Variants in WASL observed in about 807,000 individuals in gnomAD.
WASL encodes actin nucleation-promoting factor WASL.
WASL carries 20 observed loss-of-function variants against 55.5 expected under a neutral mutation model. The observed-to-expected ratio is 0.36, with a 90% CI of 0.25 to 0.52. The LOEUF (loss-of-function observed/expected upper bound fraction) is 0.52, where lower values mean the gene tolerates loss of function less well. Among genes scored for constraint, WASL ranks in the 20% least tolerant of loss-of-function variants. The pLI is 0.92. For synonymous variants in WASL, 249 were observed against 217.6 expected, an observed-to-expected ratio of 1.14 and a Z score of -1.27; for missense variants, 504 against 622.5, an observed-to-expected ratio of 0.81 and a Z score of 2.03.
At chr7:123,748,154 G>A (rs1033577248) in intron 1 of WASL, among the ~76,000 whole-genome samples, 5 of 152,004 alleles carry the variant, frequency 3.3e-5, no homozygotes, top group Non-Finnish European at 5.9e-5. Context: ...ATCCTAATGG[G>A]AGATTAAAAA....
intron 1 of WASL, among the ~76,000 whole-genome samples, chr7:123,721,035 A>G (rs1443134225): frequency 1.3e-5 from 2 of 152,208 alleles, no homozygotes; most frequent in Non-Finnish European, 2.9e-5. Context: ...TGAATAACAT[A>G]CTACAGTGCC....
chr7:123,706,125 G>A (rs1186270667), intron 4 of WASL, 152 bp downstream of exon 4: 12 of 688,636 alleles, frequency 1.7e-5, no homozygotes, highest in Non-Finnish European at 2.8e-5. Context: ...ATTTAACTGT[G>A]TTGTGACAAA....
In WASL at chr7:123,706,304, G is replaced by A; in HGVS notation, c.409C>T (p.Leu137Phe). Residue 137 changes from leucine (L) to phenylalanine (F), a missense_variant, in exon 4 of 11, where the codon CTT (leucine) becomes TTT (phenylalanine). Physicochemically the swap from Leu to Phe is conservative, Grantham distance 22. Transcript: ENST00000223023. The stretch of plus-strand genomic sequence containing the variant: ...GATTTCCTTTGTCGACGGCCCAAAA[G>A]GTCTGTAACTGCTTTTCGAAATTTT... ...AKKFRKAVTD[L>F]LGRRQRKSEK... The A allele has an allele frequency of 6.2e-7, 1 of 1,613,430 alleles. No individual in the cohort carries two copies. Among genetic ancestry groups the A allele is most frequent in the Non-Finnish European group, 8.5e-7 (1 of 1,179,696 alleles).
chr7:123,707,354 G>C (rs1803687235), intron 2 of WASL, among the ~76,000 whole-genome samples: 1 of 152,106 alleles, frequency 6.6e-6, no homozygotes, highest in African/African-American at 2.4e-5. Flanking sequence ...CTTTTGCAGA[G>C]TACCTTTCTA....
At chr7:123,709,348 A>G in intron 1 of WASL, 125 bp from the exon 2 acceptor site, 1 of 682,280 alleles carries the variant, frequency 1.5e-6, no homozygotes, top group African/African-American at 1.8e-5. Context: ...CACAGAAACA[A>G]GGAAATAATA....
chr7:123,739,377 A>G (rs1365823787), intron 1 of WASL, among the ~76,000 whole-genome samples: 1 of 152,170 alleles, frequency 6.6e-6, no homozygotes, highest in African/African-American at 2.4e-5. Flanking sequence ...TTGTTTACAC[A>G]TTTCCTGATA....
chr7:123,712,624 A>C (rs1803776622), intron 1 of WASL, among the ~76,000 whole-genome samples: 1 of 152,226 alleles, frequency 6.6e-6, no homozygotes, highest in Non-Finnish European at 1.5e-5. Context: ...AATTATTTCT[A>C]ACTTTAACAA....
intron 10 of WASL, among the ~76,000 whole-genome samples, chr7:123,686,912 T>A (rs559685581): frequency 6.6e-6 from 1 of 152,330 alleles, no homozygotes; most frequent in South Asian, 2.1e-4. Flanking sequence ...GGTGTCTATG[T>A]ATATCCTACT....
intron 1 of WASL, among the ~76,000 whole-genome samples, chr7:123,721,712 G>A (rs2116805118): frequency 6.6e-6 from 1 of 152,140 alleles, no homozygotes; most frequent in Admixed American, 6.5e-5. Context: ...GATCACCTGA[G>A]GACCAGCATG....
intron 1 of WASL, among the ~76,000 whole-genome samples, chr7:123,728,182 C>G (rs529045025): frequency 6.6e-6 from 1 of 151,782 alleles, no homozygotes; most frequent in African/African-American, 2.4e-5. Context: ...GAATGAAATA[C>G]AAAAAAATAA....
At chr7:123,685,315 GTCTC>G (rs901770012) in intron 10 of WASL, among the ~76,000 whole-genome samples, 43 of 151,762 alleles carry the variant, frequency 2.8e-4, no homozygotes, top group African/African-American at 9.4e-4. Flanking sequence ...TCCAGTTATT[GTCTC>G]TCTCTCTCCC....
intron 1 of WASL, among the ~76,000 whole-genome samples, chr7:123,727,078 G>A (rs1335810263): frequency 6.6e-6 from 1 of 152,028 alleles, no homozygotes; most frequent in Non-Finnish European, 1.5e-5. Context: ...CACTGAAAGG[G>A]TGAAAGAATA....
At chr7:123,690,203 A>T (rs574494202) in intron 9 of WASL, among the ~76,000 whole-genome samples, 13 of 152,342 alleles carry the variant, frequency 8.5e-5, no homozygotes, top group African/African-American at 3.1e-4. Flanking sequence ...AATGTAAAGC[A>T]GAGAGCACAA....
chr7:123,743,103 G>A (rs796703977), intron 1 of WASL, among the ~76,000 whole-genome samples: 2 of 152,150 alleles, frequency 1.3e-5, no homozygotes, highest in South Asian at 2.1e-4. Flanking sequence ...TTGGGAGGTT[G>A]AAGCGGACAG....
At chr7:123,743,447 T>G (rs1554407579) in intron 1 of WASL, among the ~76,000 whole-genome samples, 1 of 152,090 alleles carries the variant, frequency 6.6e-6, no homozygotes, top group Non-Finnish European at 1.5e-5. Flanking sequence ...TTCTTCCTCT[T>G]CAATTAGCAG....
chr7:123,741,166 C>A (rs556215012), intron 1 of WASL, among the ~76,000 whole-genome samples: 39 of 152,284 alleles, frequency 2.6e-4, no homozygotes, highest in Admixed American at 2.3e-3. Flanking sequence ...CCAGGATAGG[C>A]TCCAGCCACC....
chr7:123,719,395 T>C (rs570629295), intron 1 of WASL, among the ~76,000 whole-genome samples: 1 of 152,300 alleles, frequency 6.6e-6, no homozygotes, highest in East Asian at 1.9e-4. Flanking sequence ...ACTTGGTCAC[T>C]GTTCAAACTT....
At chr7:123,688,959 G>GA in intron 10 of WASL, 83 bp downstream of exon 10, 2 of 1,181,368 alleles carry the variant, frequency 1.7e-6, no homozygotes, top group Non-Finnish European at 2.5e-6. Context: ...AAAAATAACA[G>GA]AACGTCAAAC....
chr7:123,685,129 C>T (rs543610416), intron 10 of WASL, among the ~76,000 whole-genome samples: 1 of 151,960 alleles, frequency 6.6e-6, no homozygotes, highest in East Asian at 1.9e-4. Flanking sequence ...CCATCACATC[C>T]TGCTTGGATT....
Sources: allele counts gnomAD v4.1 joint callset (sites outside exome capture counted in the v4.1 genomes callset), GRCh38; gene constraint gnomAD v4.1.1; transcripts MANE v1.5; gene names NCBI Gene and HGNC (gene_info 2026-07-23, HGNC 2026-07-21).